BACH2: variants seen among roughly 807,000 people sequenced by gnomAD.
The protein encoded by BACH2 is transcription regulator protein BACH2.
Under a neutral mutation model 61.8 loss-of-function variants are expected in BACH2, and 5 were observed. The observed-to-expected ratio is 0.08, with a 90% confidence interval of 0.04 to 0.17. The LOEUF (loss-of-function observed/expected upper bound fraction) is 0.17. Among genes scored for constraint, BACH2 ranks in the 10% least tolerant of loss-of-function variants. The pLI is 1.00. For synonymous variants in BACH2, 446 were observed against 440.1 expected (o/e 1.01, Z -0.17); for missense variants, 824 against 1,091.1 (o/e 0.76, Z 3.45).
chr6:90,091,234 C>T (rs1262828267), intron 4 of BACH2, among the ~76,000 whole-genome samples: 1 of 152,188 alleles, frequency 6.6e-6, no homozygotes, highest in Non-Finnish European at 1.5e-5. Flanking sequence ...TCTATAGCAT[C>T]TAAACGAAGC....
Position 90,296,834 on chromosome 6 carries a change from G to T in BACH2, c.-800C>A, listed in dbSNP as rs916388715. 2.3e-5 allele frequency: 4 copies of T among 175,946 alleles called. No homozygotes were observed. The South Asian group carries it at 6.0e-4, about 26-fold the overall frequency. 10.9% of individuals were successfully genotyped at this position (175,946 alleles called of 1,614,324 possible). A position where few individuals can be genotyped will look rare whatever the true frequency, so the allele number is the denominator to read the frequency against. On this transcript the variant is annotated 5_prime_UTR_variant, in exon 1 of 9. Coordinates refer to ENST00000257749, the MANE Select transcript of BACH2 (RefSeq NM_021813.4). ...GCTGCTGCTGAGGCGGCGGCGGCTCGGCGCTGTTTGCTCCGCGCCGCGCGG... is the reference window on the plus strand; with the variant it reads ...GCTGCTGCTGAGGCGGCGGCGGCTCTGCGCTGTTTGCTCCGCGCCGCGCGG...
chr6:89,973,212 G>C (rs1371657743), intron 6 of BACH2, among the ~76,000 whole-genome samples: 1 of 152,184 alleles, frequency 6.6e-6, no homozygotes, highest in East Asian at 1.9e-4. Flanking sequence ...GACCAGCCTG[G>C]GCAACACTGA....
chr6:90,180,858 A>ATTACAC (rs2041130207), intron 4 of BACH2, among the ~76,000 whole-genome samples: 1 of 124,852 alleles, frequency 8.0e-6, no homozygotes. Context: ...AATTATGTGT[A>ATTACAC]TTACACACAC....
At chr6:90,060,446 A>AT (rs964783803) in intron 5 of BACH2, among the ~76,000 whole-genome samples, 36 of 151,544 alleles carry the variant, frequency 2.4e-4, no homozygotes, top group African/African-American at 8.0e-4. Context: ...TTTTTTGATA[A>AT]TTTTTTTTTA....
intron 4 of BACH2, among the ~76,000 whole-genome samples, chr6:90,149,179 G>A (rs750424013): frequency 6.6e-6 from 1 of 151,800 alleles, no homozygotes; most frequent in African/African-American, 2.4e-5. Context: ...TTGGGAACAA[G>A]AACAAATAAG....
At chr6:90,033,064 G>A (rs2127788618) in intron 5 of BACH2, among the ~76,000 whole-genome samples, 1 of 151,846 alleles carries the variant, frequency 6.6e-6, no homozygotes, top group South Asian at 2.1e-4. Flanking sequence ...GTAGGGACAT[G>A]GATGAAGCTG....
At chr6:90,212,817 T>C (rs1162421246) in intron 3 of BACH2, among the ~76,000 whole-genome samples, 1 of 152,082 alleles carries the variant, frequency 6.6e-6, no homozygotes, top group African/African-American at 2.4e-5. Flanking sequence ...ACACAAATAG[T>C]CTGAGAGCCA....
In BACH2 at chr6:89,931,952, TA is replaced by T. The variant is rs2128352144; in HGVS notation, c.*455del. On this transcript the variant is annotated 3_prime_UTR_variant, in exon 9 of 9. Transcript: ENST00000257749. ...GCATATGGATATATATATATATATA[TA>T]TATATTTTATATATATATTATATAT... 2 of 147,510 alleles carry T rather than the reference TA, an allele frequency of 1.4e-5. No homozygotes were observed. Among genetic ancestry groups the T allele is most frequent in the Non-Finnish European group, 3.0e-5 (2 of 67,094 alleles). The allele number at this position is 147,510 out of a possible 1,614,324, so 9.1% of individuals were successfully genotyped here.
intron 4 of BACH2, among the ~76,000 whole-genome samples, chr6:90,192,252 T>C (rs949304789): frequency 1.3e-5 from 2 of 152,126 alleles, no homozygotes; most frequent in African/African-American, 4.8e-5. Context: ...GGAGATTTCT[T>C]ACAAATTCCT....
At chr6:90,083,133 G>T (rs1212777874) in intron 5 of BACH2, among the ~76,000 whole-genome samples, 1 of 152,118 alleles carries the variant, frequency 6.6e-6, no homozygotes, top group Non-Finnish European at 1.5e-5. Context: ...AAAACATGCT[G>T]CAATGCCCTG....
chr6:89,965,674 C>T (rs1016068905), intron 6 of BACH2, among the ~76,000 whole-genome samples: 3 of 152,222 alleles, frequency 2.0e-5, no homozygotes, highest in African/African-American at 7.2e-5. Context: ...TATTTGAAGA[C>T]ATCTGTCATA....
rs774905868 is a variant in BACH2, at chr6:89,950,771, C to A, written c.1335G>T (p.Val445=). ...AACTGCTCACCCCAGAATAAGAATGCACCGAGGTGCTCACTTGGTCACAAG... is the reference window on the plus strand; with the variant it reads ...AACTGCTCACCCCAGAATAAGAATGAACCGAGGTGCTCACTTGGTCACAAG... ...SSACDQVSTS[V]HSYSGVSSLD... Residue 445 remains valine, a synonymous_variant, in exon 7 of 9, where the codon GTG becomes GTT. Transcript: ENST00000257749. This position sits in a 1 kb window ranked among gnomAD's most constrained non-coding sequence, Gnocchi z 5.3. 1.9e-6 allele frequency: 3 copies of A among 1,614,180 alleles called. No individual in the cohort carries two copies. The highest frequency in any genetic ancestry group is 2.5e-6 in the Non-Finnish European group (3 of 1,180,032).
intron 1 of BACH2, among the ~76,000 whole-genome samples, chr6:90,292,977 A>G (rs1403833590): frequency 1.3e-5 from 2 of 152,218 alleles, no homozygotes; most frequent in Non-Finnish European, 2.9e-5. Flanking sequence ...CTGCCACTCC[A>G]CACTATGCCC....
intron 4 of BACH2, among the ~76,000 whole-genome samples, chr6:90,125,027 A>G (rs945761180): frequency 4.6e-5 from 7 of 152,204 alleles, no homozygotes; most frequent in South Asian, 2.1e-4. Flanking sequence ...TCATACATTT[A>G]TCGGCCATCT....
Position 90,040,024 on chromosome 6 carries a change from C to CTT in BACH2, c.-12-31170_-12-31169dup, listed in dbSNP as rs71556549. Among the ~76,000 whole-genome samples the CTT allele has an allele frequency of 2.3e-3, 315 of 139,640 alleles. 2 individuals are homozygous for CTT. The highest frequency in any genetic ancestry group is 0.012 in the South Asian group (52 of 4,472). The allele number at this position is 139,640 out of a possible 152,430, so 91.6% of individuals were successfully genotyped here. A position where few individuals can be genotyped will look rare whatever the true frequency, so the allele number is the denominator to read the frequency against. On this transcript the variant is annotated intron_variant, in intron 5 of 8. Transcript: ENST00000257749. ...CAAAAATATTTTTCCTTCTTTGTCACTTTTTTTTTTTTTTGGCCGTGGTTT... is the reference window on the plus strand; with the variant it reads ...CAAAAATATTTTTCCTTCTTTGTCACTTTTTTTTTTTTTTTTGGCCGTGGTTT...
chr6:90,139,669 C>T (rs1191855110), intron 4 of BACH2, among the ~76,000 whole-genome samples: 7 of 152,168 alleles, frequency 4.6e-5, no homozygotes, highest in East Asian at 3.8e-4. Context: ...TGAATGAACA[C>T]GGTAAGCGTG....
In BACH2 at chr6:90,008,511, G is replaced by GGC; in HGVS notation, c.243+89_243+90dup. 6.6e-7 allele frequency: 1 copy of GGC among 1,519,818 alleles called. No homozygotes were observed. The highest frequency in any genetic ancestry group is 2.4e-4 in the Middle Eastern group (1 of 4,184). 94.1% of individuals were successfully genotyped at this position (1,519,818 alleles called of 1,614,324 possible). On this transcript the variant is annotated intron_variant, in intron 6 of 8. Transcript: ENST00000257749. The surrounding 1 kb of genome is among the most constrained non-coding windows in gnomAD (Gnocchi z 4.1). ...GACATCAACTCCTGAGTGGGGACAT[G>GGC]GCACCTAGTACATCTTCTAGCTCCT...
At chr6:89,936,935 C>A (rs1477106371) in intron 8 of BACH2, among the ~76,000 whole-genome samples, 2 of 152,044 alleles carry the variant, frequency 1.3e-5, no homozygotes, top group African/African-American at 4.8e-5. Flanking sequence ...AGACATGGCA[C>A]CTGAGATGAG....
At chr6:90,252,971 G>T (rs147337703) in intron 2 of BACH2, among the ~76,000 whole-genome samples, 1 of 152,218 alleles carries the variant, frequency 6.6e-6, no homozygotes, top group African/African-American at 2.4e-5. Context: ...AGGGCCAGGT[G>T]CAGTGGCTCA....
Sources: allele counts gnomAD v4.1 joint callset (sites outside exome capture counted in the v4.1 genomes callset), GRCh38; gene constraint gnomAD v4.1.1; non-coding constraint Gnocchi (gnomAD v3.1); transcripts MANE v1.5; gene names NCBI Gene and HGNC (gene_info 2026-07-23, HGNC 2026-07-21).